NTM: variants seen among roughly 807,000 people sequenced by gnomAD.
NTM encodes IgLON family member 2.
In NTM, 13 loss-of-function variants were observed where a neutral mutation model predicts 42.1. The observed-to-expected ratio is 0.31, with a 90% CI of 0.20 to 0.49. The LOEUF (loss-of-function observed/expected upper bound fraction) is 0.49. Among genes scored for constraint, NTM ranks in the 20% least tolerant of loss-of-function variants. The pLI, the probability that NTM is intolerant of heterozygous loss-of-function variation, is 0.99. For synonymous variants in NTM, 187 were observed against 179.2 expected (o/e 1.04, Z -0.35); for missense variants, 373 against 452.8 (o/e 0.82, Z 1.60).
intron 3 of NTM, among the ~76,000 whole-genome samples, chr11:132,180,505 G>T (rs941408889): frequency 6.6e-5 from 10 of 152,134 alleles, no homozygotes; most frequent in African/African-American, 2.4e-4. Flanking sequence ...CTTCCCATAA[G>T]CAAGTAGCTC....
chr11:131,542,268 T>C (rs889805215), intron 1 of NTM, among the ~76,000 whole-genome samples: 5 of 152,184 alleles, frequency 3.3e-5, no homozygotes, highest in African/African-American at 7.2e-5. Context: ...TGAAGCTGCA[T>C]AAATTTTTCC....
chr11:131,672,522 A>T (rs789535), intron 1 of NTM, among the ~76,000 whole-genome samples: 1 of 152,234 alleles, frequency 6.6e-6, no homozygotes, highest in East Asian at 1.9e-4. Flanking sequence ...ATTCCAGGCC[A>T]TTCTCTTCGG....
chr11:132,242,060 G>A (rs1458745513), intron 4 of NTM, among the ~76,000 whole-genome samples: 1 of 152,182 alleles, frequency 6.6e-6, no homozygotes, highest in South Asian at 2.1e-4. Flanking sequence ...GATTGTGGTT[G>A]TTTGATGCCA....
At chr11:131,724,799 C>A (rs548559420) in intron 1 of NTM, among the ~76,000 whole-genome samples, 1 of 152,294 alleles carries the variant, frequency 6.6e-6, no homozygotes, top group Non-Finnish European at 1.5e-5. Context: ...ATGGAGGCTG[C>A]CTGAGCAGGC....
chr11:131,515,531 C>G (rs575859262), intron 1 of NTM, among the ~76,000 whole-genome samples: 5 of 152,114 alleles, frequency 3.3e-5, no homozygotes, highest in Non-Finnish European at 7.4e-5. Context: ...GATGGACTCC[C>G]CTGTCCAGAA....
chr11:132,143,759 G>T (rs1428526494), intron 2 of NTM, among the ~76,000 whole-genome samples: 3 of 152,168 alleles, frequency 2.0e-5, no homozygotes, highest in Non-Finnish European at 4.4e-5. Context: ...GCTGCAAAGT[G>T]TGTTTTTGTT....
chr11:131,789,617 A>AAGAAGG (rs1565552756), intron 1 of NTM, among the ~76,000 whole-genome samples: 11 of 83,066 alleles, frequency 1.3e-4, no homozygotes, highest in South Asian at 3.2e-4. Flanking sequence ...GAAGAAGAAG[A>AAGAAGG]AGAAGAAGAA....
chr11:131,571,211 T>G (rs1211049357), intron 1 of NTM, among the ~76,000 whole-genome samples: 1 of 152,252 alleles, frequency 6.6e-6, no homozygotes, highest in African/African-American at 2.4e-5. Flanking sequence ...TAATTAACCA[T>G]GCTTTTTTAT....
chr11:131,919,625 C>A (rs992893563), intron 2 of NTM, among the ~76,000 whole-genome samples: 1 of 152,112 alleles, frequency 6.6e-6, no homozygotes, highest in Non-Finnish European at 1.5e-5. Flanking sequence ...TGTAATCTCT[C>A]CACCCTGCAT....
chr11:131,512,137 C>A lies in NTM; in HGVS notation c.82+141249C>A, dbSNP rs115452905. Among the ~76,000 whole-genome samples the A allele has an allele frequency of 2.4e-3, 360 of 152,304 alleles. 1 individual carries two copies. The highest frequency in any genetic ancestry group is 8.4e-3 in the African/African-American group (350 of 41,574). On this transcript the variant is annotated intron_variant, in intron 1 of 8. Transcript: ENST00000683400. Reference sequence around the variant, plus strand: ...AATTCCAGGCCTAATCACCAAAGCTCTCCTGCATGGACCATGAGCCTTGGG... The same window carrying A: ...AATTCCAGGCCTAATCACCAAAGCTATCCTGCATGGACCATGAGCCTTGGG...
Position 131,649,475 on chromosome 11 carries a change from A to G in NTM, c.83-262089A>G, listed in dbSNP as rs112248503. 3.4e-3 allele frequency among the ~76,000 whole-genome samples: 518 copies of G among 152,298 alleles called. 3 individuals are homozygous for G. The highest frequency in any genetic ancestry group is 0.012 in the African/African-American group (504 of 41,558). ...TCCATTATTCATAATCCTAAAATGCATGGGCTGATAATTGCCTTAATCACC... is the reference window on the plus strand; with the variant it reads ...TCCATTATTCATAATCCTAAAATGCGTGGGCTGATAATTGCCTTAATCACC... On this transcript the variant is annotated intron_variant, in intron 1 of 8. Coordinates refer to ENST00000683400, the MANE Select transcript of NTM (RefSeq NM_001352005.2).
chr11:131,923,422 C>G (rs1177403601), intron 2 of NTM, among the ~76,000 whole-genome samples: 1 of 152,116 alleles, frequency 6.6e-6, no homozygotes, highest in African/African-American at 2.4e-5. Flanking sequence ...TCAGGTCTGT[C>G]TCTGTATTGG....
In NTM at chr11:131,766,205, A is replaced by T. The variant is rs376239103; in HGVS notation, c.83-145359A>T. Among the ~76,000 whole-genome samples the T allele has an allele frequency of 3.3e-5, 5 of 152,294 alleles. 1 individual carries two copies. Among genetic ancestry groups the T allele is most frequent in the Middle Eastern group, 6.8e-3 (2 of 294 alleles). On this transcript the variant is annotated intron_variant, in intron 1 of 8. Coordinates refer to ENST00000683400, the MANE Select transcript of NTM (RefSeq NM_001352005.2). ...ACCACTTGCTCTCATGTGTCCATAT[A>T]TGCCCTTTGGGTTTAAATAGTTCCT...
chr11:132,027,929 C>T (rs189019204), intron 2 of NTM, among the ~76,000 whole-genome samples: 2 of 152,030 alleles, frequency 1.3e-5, no homozygotes, highest in Non-Finnish European at 2.9e-5. Context: ...TTTTTCTCTT[C>T]AAATTTCAGG....
chr11:132,141,660 A>G (rs1393873046), intron 2 of NTM, among the ~76,000 whole-genome samples: 1 of 152,214 alleles, frequency 6.6e-6, no homozygotes, highest in Non-Finnish European at 1.5e-5. Flanking sequence ...ATCCCTGCTC[A>G]AACAGTATAG....
intron 1 of NTM, among the ~76,000 whole-genome samples, chr11:131,773,080 T>C (rs533896495): frequency 6.6e-6 from 1 of 152,332 alleles, no homozygotes; most frequent in South Asian, 2.1e-4. Flanking sequence ...GAGTATCTTA[T>C]AAATAAAAGA....
At chr11:131,971,333 T>C (rs758606271) in intron 2 of NTM, among the ~76,000 whole-genome samples, 6 of 152,204 alleles carry the variant, frequency 3.9e-5, no homozygotes, top group African/African-American at 7.2e-5. Context: ...GTGAGCTCTT[T>C]AATTTGTGTG....
intron 2 of NTM, among the ~76,000 whole-genome samples, chr11:132,089,974 C>T (rs895322734): frequency 1.3e-5 from 2 of 152,038 alleles, no homozygotes; most frequent in Non-Finnish European, 2.9e-5. Flanking sequence ...CTTGTATTTA[C>T]ACTTCATGGA....
intron 1 of NTM, among the ~76,000 whole-genome samples, chr11:131,749,141 C>T (rs552102437): frequency 1.3e-5 from 2 of 152,296 alleles, no homozygotes; most frequent in African/African-American, 2.4e-5. Context: ...ACTTTACTTC[C>T]GGATGAAGTT....
Sources: allele counts gnomAD v4.1 joint callset (sites outside exome capture counted in the v4.1 genomes callset), GRCh38; gene constraint gnomAD v4.1.1; transcripts MANE v1.5; gene names NCBI Gene and HGNC (gene_info 2026-07-23, HGNC 2026-07-21).